The following SH3D19 variants were observed in gnomAD, a reference collection of about 807,000 sequenced individuals.
SH3D19 encodes SH3 domain-containing protein 19.
A neutral mutation model predicts 112.1 loss-of-function variants in SH3D19; 58 were observed. The ratio of observed to expected loss-of-function variants is 0.52; its 90% confidence interval spans 0.42 to 0.64. SH3D19 has a LOEUF of 0.64. SH3D19 is among the 30% of genes least tolerant of loss of function. SH3D19 has a pLI of 0.00. For missense variants in SH3D19, 1,090 were observed against 1,263.4 expected (o/e 0.86, Z 2.08); for synonymous variants, 391 against 448.5 (o/e 0.87, Z 1.62).
intron 2 of SH3D19, among the ~76,000 whole-genome samples, chr4:151,198,304 CAAA>C (rs1231227871): frequency 4.6e-4 from 21 of 46,126 alleles, no homozygotes; most frequent in African/African-American, 3.1e-4. Context: ...GACTCTGTCT[CAAA>C]AAAAAAAAAA....
rs142967680 is a variant in SH3D19, at chr4:151,292,511, T to C, written c.112+32730A>G. On this transcript the variant is annotated intron_variant, in intron 1 of 19. Transcript: ENST00000604030. ...CACATCTATAAAAAAACACTTTAAA[T>C]ATTTGGAACAAAGGACATTATAGAA... 6.8e-3 allele frequency among the ~76,000 whole-genome samples: 1,037 copies of C among 152,296 alleles called. 14 individuals carry two copies. The highest frequency in any genetic ancestry group is 0.023 in the African/African-American group (973 of 41,564).
chr4:151,131,088 T>C (rs1451059818), intron 17 of SH3D19, among the ~76,000 whole-genome samples: 1 of 152,202 alleles, frequency 6.6e-6, no homozygotes, highest in African/African-American at 2.4e-5. Context: ...CCCCTTTCCC[T>C]ATGTTTCCTC....
chr4:151,321,219 T>G (rs986407384), intron 1 of SH3D19, among the ~76,000 whole-genome samples: 2 of 152,176 alleles, frequency 1.3e-5, no homozygotes, highest in African/African-American at 4.8e-5. Flanking sequence ...TGACTATCCT[T>G]GATTTGCCTG....
At chr4:151,299,489 A>T (rs1728122173) in intron 1 of SH3D19, among the ~76,000 whole-genome samples, 1 of 151,370 alleles carries the variant, frequency 6.6e-6, no homozygotes, top group South Asian at 2.1e-4. Flanking sequence ...CTGAGACAGG[A>T]GAATCGCTTG....
chr4:151,210,901 T>G (rs1437720235), intron 2 of SH3D19, among the ~76,000 whole-genome samples: 3 of 152,056 alleles, frequency 2.0e-5, no homozygotes, highest in African/African-American at 7.2e-5. Flanking sequence ...CTTCTGAAAT[T>G]GGGTCTTGCT....
intron 9 of SH3D19, among the ~76,000 whole-genome samples, chr4:151,156,822 C>T (rs1756200919): frequency 1.3e-5 from 2 of 152,134 alleles, no homozygotes; most frequent in Admixed American, 1.3e-4. Flanking sequence ...GGGCTTATAT[C>T]AACCAAAAAT....
At chr4:151,246,558 G>A (rs1701933433) in intron 1 of SH3D19, among the ~76,000 whole-genome samples, 1 of 152,124 alleles carries the variant, frequency 6.6e-6, no homozygotes, top group African/African-American at 2.4e-5. Context: ...AGAAAGGTGA[G>A]ATAAATTTCC....
chr4:151,128,984 G>A (rs1033446730), intron 17 of SH3D19, among the ~76,000 whole-genome samples: 1 of 152,124 alleles, frequency 6.6e-6, no homozygotes, highest in Non-Finnish European at 1.5e-5. Context: ...TTATATTAAA[G>A]AATTAGGTAA....
Position 151,240,900 on chromosome 4 carries a change from C to G in SH3D19, c.113-14814G>C, listed in dbSNP as rs559176565. 2.0e-5 allele frequency among the ~76,000 whole-genome samples: 3 copies of G among 151,994 alleles called. No homozygotes were observed. The East Asian group carries it at 5.8e-4, about 29-fold the overall frequency. The stretch of plus-strand genomic sequence containing the variant: ...TGAAACAACTCCAAAATCCATCAAC[C>G]GGTGATGGATAAAATGTGGTACAGC... On this transcript the variant is annotated intron_variant, in intron 1 of 19. Transcript: ENST00000604030.
At chr4:151,319,858 C>A (rs534253241) in intron 1 of SH3D19, among the ~76,000 whole-genome samples, 3 of 152,208 alleles carry the variant, frequency 2.0e-5, no homozygotes, top group Non-Finnish European at 4.4e-5. Context: ...GGTATAAATG[C>A]GTGGAGCATC....
intron 2 of SH3D19, among the ~76,000 whole-genome samples, chr4:151,190,575 C>T (rs932705383): frequency 1.3e-4 from 20 of 152,302 alleles, no homozygotes; most frequent in Admixed American, 4.6e-4. Flanking sequence ...GAGCTTGGGC[C>T]GTGGCTTCAG....
intron 4 of SH3D19, among the ~76,000 whole-genome samples, chr4:151,178,647 A>G (rs543442052): frequency 6.6e-6 from 1 of 152,350 alleles, no homozygotes; most frequent in East Asian, 1.9e-4. Context: ...CCAAGGTCAC[A>G]TGGTAGGAAA....
intron 2 of SH3D19, among the ~76,000 whole-genome samples, chr4:151,210,633 C>G (rs112809986): frequency 6.6e-6 from 1 of 151,964 alleles, no homozygotes; most frequent in Non-Finnish European, 1.5e-5. Flanking sequence ...GATCTCCTGA[C>G]CTTGTGATCC....
At position 151,132,390 on chromosome 4, in the gene SH3D19, T is replaced by TG. The variant is rs1554032101; in HGVS notation, c.2690-8_2690-7insC. On this transcript the variant is annotated splice_polypyrimidine_tract_variant and splice_region_variant and intron_variant, in intron 16 of 19. Transcript: ENST00000604030. ...TTCAGTGGTACCTTTGTGCCTACAT[T>TG]AAAAAAACAAACAAACACAAGAAGT... 1 of 1,612,888 alleles carries TG rather than the reference T, an allele frequency of 6.2e-7. No homozygotes were observed. Among genetic ancestry groups the TG allele is most frequent in the African/African-American group, 1.3e-5 (1 of 74,866 alleles).
chr4:151,265,106 C>T (rs998841473), intron 1 of SH3D19, among the ~76,000 whole-genome samples: 1 of 151,702 alleles, frequency 6.6e-6, no homozygotes, highest in African/African-American at 2.4e-5. Context: ...AAAAAGCTTT[C>T]CATACATATA....
intron 1 of SH3D19, among the ~76,000 whole-genome samples, chr4:151,310,529 C>T (rs1271634680): frequency 6.6e-6 from 1 of 151,644 alleles, no homozygotes; most frequent in Non-Finnish European, 1.5e-5. Context: ...ACCATTCAGC[C>T]ATGCCACTTC....
At position 151,264,020 on chromosome 4, in the gene SH3D19, G is replaced by A. The variant is rs1325494640; in HGVS notation, c.113-37934C>T. 2.6e-5 allele frequency among the ~76,000 whole-genome samples: 4 copies of A among 152,130 alleles called. No individual in the cohort carries two copies. The East Asian group carries it at 7.7e-4, about 29-fold the overall frequency. ...AAGTCTTGTCATGTTGCCCAGGGTG[G>A]TCTTGAACTCCTGAGCTCAAGTGAT... On this transcript the variant is annotated intron_variant, in intron 1 of 19. Coordinates refer to ENST00000604030, the MANE Select transcript of SH3D19 (RefSeq NM_001378122.1).
intron 15 of SH3D19, among the ~76,000 whole-genome samples, chr4:151,134,010 AAAAAG>A (rs1409608462): frequency 6.6e-6 from 1 of 152,202 alleles, no homozygotes; most frequent in African/African-American, 2.4e-5. Context: ...GCAATTGCCT[AAAAAG>A]AAAAGGTTGA....
chr4:151,286,558 C>A (rs1386902026), intron 1 of SH3D19, among the ~76,000 whole-genome samples: 2 of 148,612 alleles, frequency 1.3e-5, no homozygotes, highest in Admixed American at 6.7e-5. Flanking sequence ...AATAGATGGT[C>A]TGAATAAACC....
Sources: allele counts gnomAD v4.1 joint callset (sites outside exome capture counted in the v4.1 genomes callset), GRCh38; gene constraint gnomAD v4.1.1; transcripts MANE v1.5; gene names NCBI Gene and HGNC (gene_info 2026-07-23, HGNC 2026-07-21).